ATRN: variants seen among roughly 807,000 people sequenced by gnomAD.
ATRN encodes the protein attractin-2.
In ATRN, 54 loss-of-function variants were observed where a neutral mutation model predicts 178.7. That is an observed-to-expected ratio of 0.30 (90% confidence interval 0.24 to 0.38). The LOEUF is 0.38. ATRN is among the 10% of genes least tolerant of loss of function. The pLI, the probability that ATRN is intolerant of heterozygous loss-of-function variation, is 1.00. For missense variants in ATRN, 1,443 were observed against 1,815.1 expected, an observed-to-expected ratio of 0.79 and a Z score of 3.73; for synonymous variants, 636 against 663.0, an observed-to-expected ratio of 0.96 and a Z score of 0.63.
chr20:3,480,643 G>T (rs2084606101), intron 1 of ATRN, among the ~76,000 whole-genome samples: 1 of 152,200 alleles, frequency 6.6e-6, no homozygotes, highest in Non-Finnish European at 1.5e-5. Flanking sequence ...GGGTTAGTCA[G>T]TTAGGGCTTC....
At chr20:3,484,928 A>ATTG (rs2084670392) in intron 1 of ATRN, among the ~76,000 whole-genome samples, 1 of 148,222 alleles carries the variant, frequency 6.7e-6, no homozygotes, top group Admixed American at 6.8e-5. Flanking sequence ...TATTATTATT[A>ATTG]TTATTATTAT....
chr20:3,636,420 AT>A (rs1239711940), intron 26 of ATRN, among the ~76,000 whole-genome samples: 2 of 152,356 alleles, frequency 1.3e-5, no homozygotes, highest in Middle Eastern at 6.8e-3. Context: ...TCATTTCGTC[AT>A]TTATTGAAAC....
rs757332182 is a variant in ATRN at position 3,576,861 on chromosome 20, C to T, written c.2217C>T (p.Ile739=). ...AGCTTTTGTCCACTGTGTTCTAGAT[C>T]TCCATTTTTAGGTATGAGAATTGCC... ...PRNHSCSEGQ[I]SIFRYENCPK... Residue 739 remains isoleucine (I), a splice_region_variant and synonymous_variant, in exon 14 of 29, where the codon ATC becomes ATT. Coordinates refer to ENST00000262919, the MANE Select transcript of ATRN (RefSeq NM_139321.3). 17 of 1,613,884 alleles carry T rather than the reference C, an allele frequency of 1.1e-5. No homozygotes were observed. In the African/African-American group the frequency reaches 1.7e-4, roughly 16 times the overall value.
intron 12 of ATRN, 77 bp from the exon 13 acceptor site, chr20:3,575,750 A>T: frequency 7.4e-7 from 1 of 1,354,804 alleles, no homozygotes; most frequent in Non-Finnish European, 1.0e-6. Context: ...CATTGTTACG[A>T]TTTTTTTTTT....
At chr20:3,481,638 G>T (rs2084622310) in intron 1 of ATRN, among the ~76,000 whole-genome samples, 1 of 150,280 alleles carries the variant, frequency 6.7e-6, no homozygotes, top group African/African-American at 2.5e-5. Context: ...GAGCCACCAT[G>T]CTTGGACCCT....
At chr20:3,490,096 C>A in intron 1 of ATRN, 1 of 1,383,458 alleles carries the variant, frequency 7.2e-7, no homozygotes, top group South Asian at 1.2e-5. Flanking sequence ...CGCTTGGTGC[C>A]CTTTGATTTG....
chr20:3,492,854 G>GA (rs1555807888), intron 1 of ATRN, among the ~76,000 whole-genome samples: 4 of 132,434 alleles, frequency 3.0e-5, no homozygotes, highest in Non-Finnish European at 4.9e-5. Flanking sequence ...GAGAGAGAGA[G>GA]GCGCGCGCGC....
intron 10 of ATRN, among the ~76,000 whole-genome samples, chr20:3,564,724 A>G (rs527754667): frequency 6.4e-4 from 98 of 152,312 alleles, no homozygotes; most frequent in Non-Finnish European, 1.1e-3. Flanking sequence ...TATGAAACCC[A>G]TGTTTTGCTG....
At chr20:3,538,860 T>G (rs2085578874) in intron 2 of ATRN, among the ~76,000 whole-genome samples, 1 of 152,210 alleles carries the variant, frequency 6.6e-6, no homozygotes, top group Non-Finnish European at 1.5e-5. Flanking sequence ...TTTGCTGTGT[T>G]TCAGATATGC....
intron 24 of ATRN, among the ~76,000 whole-genome samples, chr20:3,622,218 C>T (rs921428299): frequency 3.9e-5 from 6 of 152,178 alleles, no homozygotes; most frequent in Non-Finnish European, 8.8e-5. Context: ...CCAGGAAACT[C>T]CTTAGTTTTC....
intron 22 of ATRN, among the ~76,000 whole-genome samples, chr20:3,599,283 C>T (rs1416761743): frequency 4.6e-5 from 7 of 151,956 alleles, no homozygotes; most frequent in African/African-American, 1.5e-4. Flanking sequence ...CATAAGCAAG[C>T]GTTTGAAGTG....
chr20:3,560,652 T>G lies in ATRN; in HGVS notation c.1204-10T>G. On this transcript the variant is annotated splice_polypyrimidine_tract_variant and intron_variant, in intron 7 of 28. Transcript: ENST00000262919. The stretch of plus-strand genomic sequence containing the variant: ...TGTTTTTAAAAATTTTGTTTGCATT[T>G]TTTTCCTAGGATAAAATTTACATGT... 1 of 1,597,090 alleles carries G rather than the reference T, an allele frequency of 6.3e-7. No homozygotes were observed. The highest frequency in any genetic ancestry group is 1.1e-5 in the South Asian group (1 of 90,100).
intron 12 of ATRN, among the ~76,000 whole-genome samples, chr20:3,575,617 G>A (rs1469968454): frequency 1.3e-5 from 2 of 151,868 alleles, no homozygotes; most frequent in African/African-American, 4.8e-5. Context: ...CACTTTCTGT[G>A]TACTTCTTTC....
intron 1 of ATRN, among the ~76,000 whole-genome samples, chr20:3,474,694 G>A (rs903908308): frequency 7.9e-5 from 12 of 150,962 alleles, no homozygotes; most frequent in African/African-American, 2.2e-4. Context: ...GTGACAGAGC[G>A]AGAGTCCATC....
At position 3,471,376 on chromosome 20, in the gene ATRN, T is replaced by C. The variant is rs1427167607; in HGVS notation, c.269T>C (p.Val90Ala). The C allele has an allele frequency of 4.7e-6, 7 of 1,484,266 alleles. No individual in the cohort carries two copies. The highest frequency in any genetic ancestry group is 1.5e-5 in the African/African-American group (1 of 68,200). 91.9% of individuals were successfully genotyped at this position (1,484,266 alleles called of 1,614,324 possible). A position where few individuals can be genotyped will look rare whatever the true frequency, so the allele number is the denominator to read the frequency against. ...GAGGCCGCGGCGGCGGCGGCGGCGG[T>C]GTCGGGCTCAGCCGCAGCCGAGGCC... ...EAEAAAAAAA[V>A]SGSAAAEAKE... The change falls in exon 1 of 29, where the codon GTG becomes GCG. Residue 90 changes from valine to alanine, a missense_variant. By Grantham distance (64) the Val-to-Ala change is moderately conservative (BLOSUM62 0). Transcript: ENST00000262919.
intron 27 of ATRN, among the ~76,000 whole-genome samples, chr20:3,640,930 T>C (rs2087062577): frequency 6.6e-6 from 1 of 152,214 alleles, no homozygotes; most frequent in African/African-American, 2.4e-5. Context: ...TATCCAGCCT[T>C]CCAAAGGAAG....
At chr20:3,498,681 T>C (rs1314394620) in intron 1 of ATRN, among the ~76,000 whole-genome samples, 11 of 152,052 alleles carry the variant, frequency 7.2e-5, no homozygotes, top group Non-Finnish European at 1.6e-4. Context: ...TGGGACGTAT[T>C]TCAAAATAAT....
intron 11 of ATRN, among the ~76,000 whole-genome samples, chr20:3,569,032 G>A (rs1413342354): frequency 6.6e-6 from 1 of 152,164 alleles, no homozygotes; most frequent in Non-Finnish European, 1.5e-5. Context: ...TAATATGCAT[G>A]TGTGTCAACT....
chr20:3,494,631 GA>G (rs1227708915), intron 1 of ATRN, among the ~76,000 whole-genome samples: 2 of 152,194 alleles, frequency 1.3e-5, no homozygotes, highest in African/African-American at 4.8e-5. Flanking sequence ...ATTTTTGGAA[GA>G]TAGGGTAGAT....
Sources: gnomAD v4.1 joint callset for allele counts (sites outside exome capture counted in the v4.1 genomes callset) on GRCh38, gnomAD v4.1.1 for gene constraint, MANE v1.5 for transcripts, NCBI Gene and HGNC (gene_info 2026-07-23, HGNC 2026-07-21) for gene names.